The following RINT1 variants were observed in gnomAD, a reference collection of about 807,000 sequenced individuals.
The protein encoded by RINT1 is RAD50-interacting protein 1.
A neutral mutation model predicts 97.7 loss-of-function variants in RINT1; 75 were observed. That is an observed-to-expected ratio of 0.77 (90% CI 0.64 to 0.93). The LOEUF is 0.93. RINT1 is among the 40% of genes least tolerant of loss of function. The probability of loss-of-function intolerance (pLI) is 0.00; values close to 1 mark genes in which losing one functional copy is unlikely to be tolerated. For synonymous variants in RINT1, 303 were observed against 326.3 expected, an observed-to-expected ratio of 0.93 and a Z score of 0.77; for missense variants, 892 against 925.2, an observed-to-expected ratio of 0.96 and a Z score of 0.47.
chr7:105,535,479 C>T (rs1790195047), intron 2 of RINT1: 9 of 416,686 alleles, frequency 2.2e-5, no homozygotes, highest in Non-Finnish European at 3.3e-5. Context: ...CTGCCTGCCT[C>T]AACCTCCCAA....
Position 105,565,623 on chromosome 7 carries a change from A to C in RINT1, c.2161A>C (p.Lys721Gln). The change falls in exon 14 of 15, where the codon AAG becomes CAG. Residue 721 changes from lysine (K) to glutamine (Q), a missense_variant. Physicochemically the swap from Lys to Gln is moderately conservative, Grantham distance 53. Transcript: ENST00000257700. ...NLFPLFSHYC[K>Q]RPENYFKHIK... ...TTTCCCTTTGTTTTCTCACTATTGC[A>C]AGAGACCAGAAAATTATTTTAAACA... The C allele has an allele frequency of 6.2e-7, 1 of 1,609,066 alleles. No homozygotes were observed. Among genetic ancestry groups the C allele is most frequent in the Non-Finnish European group, 8.5e-7 (1 of 1,175,928 alleles).
intron 11 of RINT1, among the ~76,000 whole-genome samples, chr7:105,558,175 A>G (rs551921744): frequency 3.2e-4 from 49 of 151,922 alleles, no homozygotes; most frequent in African/African-American, 1.1e-3. Flanking sequence ...AATGCCTGTA[A>G]TCCCAGCTAC....
chr7:105,563,241 C>T (rs1791517919), intron 11 of RINT1, among the ~76,000 whole-genome samples: 1 of 151,828 alleles, frequency 6.6e-6, no homozygotes, highest in African/African-American at 2.4e-5. Flanking sequence ...TTAGTGGTTG[C>T]CTATGAGTTG....
At chr7:105,554,173 C>G (rs1247499970) in intron 10 of RINT1, among the ~76,000 whole-genome samples, 1 of 151,920 alleles carries the variant, frequency 6.6e-6, no homozygotes, top group African/African-American at 2.4e-5. Context: ...GCTGGGATTA[C>G]AGGCGTGAGC....
At chr7:105,558,702 G>A (rs1791296317) in intron 11 of RINT1, among the ~76,000 whole-genome samples, 1 of 152,074 alleles carries the variant, frequency 6.6e-6, no homozygotes, top group South Asian at 2.1e-4. Context: ...GCGTACCCCT[G>A]TAGTCCTAGC....
intron 8 of RINT1, 27 bp from the exon 9 acceptor site, chr7:105,550,231 TACA>T: frequency 6.2e-7 from 1 of 1,609,164 alleles, no homozygotes. Context: ...ACTTTTTATT[TACA>T]TACCTCATGT....
Position 105,557,141 on chromosome 7 carries a change from A to G in RINT1, c.1671+1914A>G, listed in dbSNP as rs1008657245. 2.0e-4 allele frequency among the ~76,000 whole-genome samples: 30 copies of G among 152,150 alleles called. 1 individual carries two copies. The highest frequency in any genetic ancestry group is 7.2e-4 in the African/African-American group (30 of 41,438). On this transcript the variant is annotated intron_variant, in intron 11 of 14. Transcript: ENST00000257700. ...ACATTAAATATTAAAGAAACTAACT[A>G]TACGGAATAAATCTGATAATGACTA...
At chr7:105,532,379 T>C in intron 1 of RINT1, 22 bp downstream of exon 1, 1 of 1,596,592 alleles carries the variant, frequency 6.3e-7, no homozygotes, top group South Asian at 1.1e-5. Context: ...CTGGCGTCCC[T>C]GGGAGGGGAC....
Position 105,567,332 on chromosome 7 carries a change from C to A in RINT1, c.*21C>A. 1.9e-6 allele frequency: 3 copies of A among 1,543,356 alleles called. No homozygotes were observed. The highest frequency in any genetic ancestry group is 1.2e-5 in the South Asian group (1 of 83,750). ...AATAATGTCTTTCAGAAAAAGGTTT[C>A]TTTGGTTTTTGTTTCTAAGAAAGAG... is the stretch of plus-strand genomic sequence containing the variant. On this transcript the variant is annotated 3_prime_UTR_variant, in exon 15 of 15. Coordinates refer to ENST00000257700, the MANE Select transcript of RINT1 (RefSeq NM_021930.6).
chr7:105,561,917 A>G (rs1299141948), intron 11 of RINT1, among the ~76,000 whole-genome samples: 1 of 152,172 alleles, frequency 6.6e-6, no homozygotes, highest in East Asian at 1.9e-4. Flanking sequence ...TGAAAGAGAA[A>G]AATATTTTTC....
intron 10 of RINT1, among the ~76,000 whole-genome samples, chr7:105,553,573 T>C (rs947402584): frequency 2.7e-5 from 4 of 150,054 alleles, no homozygotes; most frequent in African/African-American, 9.8e-5. Context: ...ACAAAAAAAT[T>C]AGCCAGGCAT....
chr7:105,535,291 G>A (rs55701318), intron 2 of RINT1, among the ~76,000 whole-genome samples: 29,240 of 148,388 alleles, frequency 0.2, 3,092 homozygotes, highest in South Asian at 0.26. Context: ...GTGCAGTGGC[G>A]TGATCTCGGC....
chr7:105,532,229 C>T lies in RINT1; in HGVS notation c.-87C>T. On this transcript the variant is annotated 5_prime_UTR_variant, in exon 1 of 15. Transcript: ENST00000257700. Reference sequence around the variant, plus strand: ...GCACTCAGTCCTACGGCCTCCGAGGCTGGGTAGTGAGTGTGTCGCTGGCCT... The same window carrying T: ...GCACTCAGTCCTACGGCCTCCGAGGTTGGGTAGTGAGTGTGTCGCTGGCCT... 1 of 1,437,880 alleles carries T rather than the reference C, an allele frequency of 7.0e-7. No homozygotes were observed. The highest frequency in any genetic ancestry group is 2.5e-5 in the East Asian group (1 of 39,962). 89.1% of individuals were successfully genotyped at this position (1,437,880 alleles called of 1,614,324 possible).
intron 4 of RINT1, among the ~76,000 whole-genome samples, chr7:105,546,623 C>T (rs1168754122): frequency 1.3e-5 from 2 of 152,160 alleles, no homozygotes; most frequent in African/African-American, 4.8e-5. Flanking sequence ...CCTCTAATCC[C>T]AGCACTTTGG....
chr7:105,561,299 G>A (rs761871005), intron 11 of RINT1, among the ~76,000 whole-genome samples: 11 of 151,912 alleles, frequency 7.2e-5, no homozygotes, highest in Admixed American at 1.3e-4. Context: ...AAGCCAAAGC[G>A]AGTGGATCAC....
At chr7:105,563,349 A>G (rs571752784) in intron 11 of RINT1, among the ~76,000 whole-genome samples, 2 of 152,206 alleles carry the variant, frequency 1.3e-5, no homozygotes, top group East Asian at 1.9e-4. Context: ...ATATAAAAAA[A>G]TCATTGAATT....
Position 105,565,473 on chromosome 7 carries a change from C to A in RINT1, c.2067+16C>A. 6.2e-7 allele frequency: 1 copy of A among 1,612,040 alleles called. No individual in the cohort carries two copies. Among genetic ancestry groups the A allele is most frequent in the African/African-American group, 1.3e-5 (1 of 74,972 alleles). On this transcript the variant is annotated intron_variant, in intron 13 of 14. Coordinates refer to ENST00000257700, the MANE Select transcript of RINT1 (RefSeq NM_021930.6). Reference sequence around the variant, plus strand: ...CTACCAAGAAGTAAGTAAGAATAGACTGTTTTTGGGCTGTGATAATAAAGA... The same window carrying A: ...CTACCAAGAAGTAAGTAAGAATAGAATGTTTTTGGGCTGTGATAATAAAGA...
intron 11 of RINT1, among the ~76,000 whole-genome samples, chr7:105,556,215 C>G (rs1321007897): frequency 2.0e-5 from 3 of 151,580 alleles, no homozygotes; most frequent in Non-Finnish European, 4.4e-5. Context: ...TACAGGCACC[C>G]GCCACCATGC....
intron 3 of RINT1, among the ~76,000 whole-genome samples, chr7:105,540,802 T>C (rs1435690281): frequency 4.0e-5 from 6 of 151,872 alleles, no homozygotes; most frequent in Admixed American, 1.3e-4. Context: ...TGGCAAAATA[T>C]AGATGCTCAG....
Sources: allele counts gnomAD v4.1 joint callset (sites outside exome capture counted in the v4.1 genomes callset), GRCh38; gene constraint gnomAD v4.1.1; transcripts MANE v1.5; gene names NCBI Gene and HGNC (gene_info 2026-07-23, HGNC 2026-07-21).